The following TRAPPC10 variants were observed in gnomAD, a reference collection of about 807,000 sequenced individuals.
TRAPPC10 encodes trafficking protein particle complex subunit 10.
A neutral mutation model predicts 125.5 loss-of-function variants in TRAPPC10; 23 were observed. The ratio of observed to expected loss-of-function variants is 0.18; its 90% CI spans 0.13 to 0.26. TRAPPC10 has a LOEUF of 0.26. TRAPPC10 is among the 10% of genes least tolerant of loss of function. The pLI, the probability that TRAPPC10 is intolerant of heterozygous loss-of-function variation, is 1.00. For synonymous variants in TRAPPC10, 509 were observed against 518.0 expected, an observed-to-expected ratio of 0.98 and a Z score of 0.24; for missense variants, 1,123 against 1,308.4, an observed-to-expected ratio of 0.86 and a Z score of 2.19.
At chr21:44,058,587 AAGCG>A (rs2035789587) in intron 5 of TRAPPC10, among the ~76,000 whole-genome samples, 1 of 152,218 alleles carries the variant, frequency 6.6e-6, no homozygotes, top group South Asian at 2.1e-4. Context: ...GCATCCACAC[AAGCG>A]TGCTGTGCCT....
intron 7 of TRAPPC10, among the ~76,000 whole-genome samples, chr21:44,067,203 G>A (rs1040104586): frequency 1.3e-5 from 2 of 152,192 alleles, no homozygotes; most frequent in Admixed American, 6.6e-5. Context: ...TTAGCTGGCC[G>A]GTTTGTGAAC....
chr21:44,030,933 C>T (rs984428298), intron 1 of TRAPPC10, among the ~76,000 whole-genome samples: 1 of 152,100 alleles, frequency 6.6e-6, no homozygotes, highest in Non-Finnish European at 1.5e-5. Context: ...TCATTTAATC[C>T]TCACCAGAGC....
At chr21:44,013,687 T>C (rs2031458718) in intron 1 of TRAPPC10, among the ~76,000 whole-genome samples, 1 of 152,260 alleles carries the variant, frequency 6.6e-6, no homozygotes, top group African/African-American at 2.4e-5. Context: ...ATTTCTTTCC[T>C]TCCTTTTGCT....
intron 2 of TRAPPC10, among the ~76,000 whole-genome samples, chr21:44,034,717 G>A (rs1436592824): frequency 6.6e-6 from 1 of 152,202 alleles, no homozygotes; most frequent in Non-Finnish European, 1.5e-5. Flanking sequence ...ACCTCACTGT[G>A]AGATCCTCTT....
chr21:44,019,746 GT>G (rs2032284567), intron 1 of TRAPPC10, among the ~76,000 whole-genome samples: 1 of 152,194 alleles, frequency 6.6e-6, no homozygotes, highest in African/African-American at 2.4e-5. Flanking sequence ...GGGTTAGGAT[GT>G]TGTGGGGCAC....
chr21:44,091,866 A>T, intron 18 of TRAPPC10, 57 bp from the exon 19 acceptor site: 1 of 1,549,364 alleles, frequency 6.5e-7, no homozygotes, highest in Non-Finnish European at 8.8e-7. Flanking sequence ...CAAAGCTAAG[A>T]TATATTTAAT....
intron 15 of TRAPPC10, among the ~76,000 whole-genome samples, chr21:44,085,311 T>G (rs2038050342): frequency 6.6e-6 from 1 of 152,062 alleles, no homozygotes; most frequent in South Asian, 2.1e-4. Flanking sequence ...CATGTGTATT[T>G]TACAGTGTCA....
chr21:44,090,637 A>G (rs2038508811), intron 18 of TRAPPC10, among the ~76,000 whole-genome samples: 1 of 152,078 alleles, frequency 6.6e-6, no homozygotes, highest in South Asian at 2.1e-4. Flanking sequence ...TGTTGACTGC[A>G]CCGGGAGGCC....
chr21:44,060,987 G>C (rs1366760359), intron 6 of TRAPPC10, among the ~76,000 whole-genome samples: 1 of 151,402 alleles, frequency 6.6e-6, no homozygotes, highest in Non-Finnish European at 1.5e-5. Flanking sequence ...TGCCAGGCTG[G>C]AGTGCAGTGG....
At position 44,087,495 on chromosome 21, in the gene TRAPPC10, A is replaced by G. The variant is rs1417594984; in HGVS notation, c.2540-204A>G. Among the ~76,000 whole-genome samples, 1 of 152,164 alleles carries G rather than the reference A, an allele frequency of 6.6e-6. No homozygotes were observed. Among genetic ancestry groups the G allele is most frequent in the African/African-American group, 2.4e-5 (1 of 41,430 alleles). ...CTTTTCCTCTCTTCAGATTGAGATCAATGATGGGTCTGGGCGCCTGCCTGC... is the reference window on the plus strand; with the variant it reads ...CTTTTCCTCTCTTCAGATTGAGATCGATGATGGGTCTGGGCGCCTGCCTGC... On this transcript the variant is annotated intron_variant, in intron 16 of 22. Transcript: ENST00000291574. This position sits in a 1 kb window ranked among gnomAD's most constrained non-coding sequence, Gnocchi z 4.6.
chr21:44,018,229 A>G (rs142618501), intron 1 of TRAPPC10, among the ~76,000 whole-genome samples: 6 of 151,752 alleles, frequency 4.0e-5, no homozygotes, highest in South Asian at 2.1e-4. Context: ...GGGAATTCCT[A>G]TCTCTACAAA....
intron 1 of TRAPPC10, among the ~76,000 whole-genome samples, chr21:44,020,802 A>G (rs954350538): frequency 4.6e-5 from 7 of 152,210 alleles, no homozygotes; most frequent in African/African-American, 1.7e-4. Flanking sequence ...ATCCAGGTTA[A>G]TGAGAAGGGC....
At chr21:44,018,375 A>T (rs2147134638) in intron 1 of TRAPPC10, among the ~76,000 whole-genome samples, 1 of 152,046 alleles carries the variant, frequency 6.6e-6, no homozygotes, top group East Asian at 1.9e-4. Flanking sequence ...TCACACTGCA[A>T]CCTGGGTGAC....
chr21:44,068,570 A>G (rs2036623131), intron 7 of TRAPPC10, among the ~76,000 whole-genome samples: 1 of 152,182 alleles, frequency 6.6e-6, no homozygotes, highest in Admixed American at 6.5e-5. Context: ...GTCCAAGGGA[A>G]AAGACGGAGT....
chr21:44,054,051 G>A (rs1461423730), intron 4 of TRAPPC10, among the ~76,000 whole-genome samples: 2 of 152,124 alleles, frequency 1.3e-5, no homozygotes, highest in Non-Finnish European at 2.9e-5. Flanking sequence ...ATTCACCCCT[G>A]TAGGCGCACA....
rs201418270 is a variant in TRAPPC10, at chr21:44,060,917, C to CAT, written c.790+1704_790+1705insTA. 2.5e-3 allele frequency among the ~76,000 whole-genome samples: 340 copies of CAT among 133,916 alleles called. 1 individual carries two copies. The highest frequency in any genetic ancestry group is 7.6e-3 in the African/African-American group (278 of 36,464). The allele number at this position is 133,916 out of a possible 152,430, so 87.9% of individuals were successfully genotyped here. On this transcript the variant is annotated intron_variant, in intron 6 of 22. Coordinates refer to ENST00000291574, the MANE Select transcript of TRAPPC10 (RefSeq NM_003274.5). ...TGCCCAGCCTATACATACATACATA[C>CAT]ACACACACACACACACACACACACA...
At chr21:44,044,993 G>A (rs961029799) in intron 3 of TRAPPC10, among the ~76,000 whole-genome samples, 5 of 151,818 alleles carry the variant, frequency 3.3e-5, no homozygotes, top group African/African-American at 1.2e-4. Flanking sequence ...TTCCATTGCT[G>A]CCTGTTCCTT....
At chr21:44,073,983 T>TTA (rs1555952863) in intron 7 of TRAPPC10, among the ~76,000 whole-genome samples, 9 of 151,524 alleles carry the variant, frequency 5.9e-5, no homozygotes, top group Admixed American at 2.0e-4. Context: ...TTCCTTTTTT[T>TTA]AAAAAAAAAT....
At chr21:44,046,637 G>A (rs922404987) in intron 3 of TRAPPC10, 10 of 217,550 alleles carry the variant, frequency 4.6e-5, no homozygotes, top group African/African-American at 1.9e-4. Context: ...TCATCCTCCC[G>A]AGTAGCTGGG....
Sources: allele counts gnomAD v4.1 joint callset (sites outside exome capture counted in the v4.1 genomes callset), GRCh38; gene constraint gnomAD v4.1.1; non-coding constraint Gnocchi (gnomAD v3.1); transcripts MANE v1.5; gene names NCBI Gene and HGNC (gene_info 2026-07-23, HGNC 2026-07-21).